The following CNTN5 variants were observed in gnomAD, a reference collection of about 807,000 sequenced individuals.
CNTN5 encodes the protein contactin-5.
A neutral mutation model predicts 129.1 loss-of-function variants in CNTN5; 77 were observed. The observed-to-expected ratio is 0.60, with a 90% CI of 0.50 to 0.72. The LOEUF is 0.72. Ranked by LOEUF, CNTN5 falls within the 30% of genes least tolerant of loss-of-function variation. The pLI, the probability that CNTN5 is intolerant of heterozygous loss-of-function variation, is 0.00. For missense variants in CNTN5, 1,478 were observed against 1,328.8 expected (o/e 1.11, Z -1.75); for synonymous variants, 509 against 465.6 (o/e 1.09, Z -1.20).
At chr11:99,520,645 A>C (rs1469615033) in intron 2 of CNTN5, among the ~76,000 whole-genome samples, 2 of 152,140 alleles carry the variant, frequency 1.3e-5, no homozygotes, top group Non-Finnish European at 2.9e-5. Context: ...CTCACTGATA[A>C]AGAATTGTCA....
chr11:99,365,818 A>G (rs1939411729), intron 2 of CNTN5, among the ~76,000 whole-genome samples: 1 of 152,174 alleles, frequency 6.6e-6, no homozygotes, highest in African/African-American at 2.4e-5. Context: ...CTCATCAAAC[A>G]TAGTATAATT....
At chr11:99,683,382 T>C (rs1413150855) in intron 3 of CNTN5, among the ~76,000 whole-genome samples, 3 of 151,932 alleles carry the variant, frequency 2.0e-5, no homozygotes, top group Non-Finnish European at 4.4e-5. Flanking sequence ...GTACTATTTC[T>C]TGAAAAGATT....
intron 1 of CNTN5, among the ~76,000 whole-genome samples, chr11:99,024,574 T>C (rs964524808): frequency 8.5e-5 from 13 of 152,080 alleles, no homozygotes; most frequent in Admixed American, 8.5e-4. Context: ...TTATGTCTAT[T>C]AATCCCCATA....
chr11:99,526,218 T>A (rs1450769631), intron 2 of CNTN5, among the ~76,000 whole-genome samples: 1 of 152,190 alleles, frequency 6.6e-6, no homozygotes, highest in Non-Finnish European at 1.5e-5. Context: ...AATGACGTGG[T>A]AGAAGAAGAA....
At chr11:99,999,926 A>G (rs554297108) in intron 8 of CNTN5, among the ~76,000 whole-genome samples, 3 of 151,362 alleles carry the variant, frequency 2.0e-5, no homozygotes, top group Admixed American at 6.6e-5. Flanking sequence ...CAAACACTGC[A>G]TGTTCTCACT....
At position 99,183,833 on chromosome 11, in the gene CNTN5, C is replaced by A. The variant is rs373432655; in HGVS notation, c.-209-141513C>A. Among the ~76,000 whole-genome samples, 32 of 152,134 alleles carry A rather than the reference C, an allele frequency of 2.1e-4. No homozygotes were observed. In the East Asian group the frequency reaches 3.5e-3, roughly 17 times the overall value. On this transcript the variant is annotated intron_variant, in intron 1 of 24. Coordinates refer to ENST00000524871, the MANE Select transcript of CNTN5 (RefSeq NM_014361.4). ...TTATTTGCTGGTTTCATTTAAAATT[C>A]CATGTCTAAAGTTTAACTCAATATC...
intron 15 of CNTN5, among the ~76,000 whole-genome samples, chr11:100,220,986 C>T (rs1949252190): frequency 6.6e-6 from 1 of 152,150 alleles, no homozygotes; most frequent in African/African-American, 2.4e-5. Context: ...CTTGGCTGCA[C>T]TAGTGCTAGC....
chr11:100,168,094 GA>G (rs55951940), intron 13 of CNTN5, among the ~76,000 whole-genome samples: 4 of 151,454 alleles, frequency 2.6e-5, no homozygotes, highest in South Asian at 2.1e-4. Context: ...GGAAGCTGTA[GA>G]AAAAAAAATT....
intron 3 of CNTN5, among the ~76,000 whole-genome samples, chr11:99,650,094 C>A (rs1283336373): frequency 2.0e-5 from 3 of 151,730 alleles, no homozygotes; most frequent in East Asian, 3.9e-4. Flanking sequence ...AGCTATATGC[C>A]AATCTAAAAA....
intron 1 of CNTN5, among the ~76,000 whole-genome samples, chr11:99,246,223 A>G (rs1861807423): frequency 6.6e-6 from 1 of 152,202 alleles, no homozygotes. Flanking sequence ...ATTGTTAGCC[A>G]AATCAGGTAA....
At chr11:99,192,135 A>C (rs577750339) in intron 1 of CNTN5, among the ~76,000 whole-genome samples, 2 of 151,778 alleles carry the variant, frequency 1.3e-5, no homozygotes, top group African/African-American at 4.8e-5. Context: ...ATGTTAATGG[A>C]TGGACTAGTT....
At chr11:99,220,414 A>G (rs1422013563) in intron 1 of CNTN5, among the ~76,000 whole-genome samples, 2 of 151,960 alleles carry the variant, frequency 1.3e-5, no homozygotes, top group African/African-American at 4.8e-5. Context: ...TTACTGCCAC[A>G]AGGAACTATG....
At chr11:99,924,362 T>G (rs1950012816) in intron 7 of CNTN5, among the ~76,000 whole-genome samples, 1 of 152,142 alleles carries the variant, frequency 6.6e-6, no homozygotes, top group Admixed American at 6.6e-5. Context: ...CTTCTAGGAT[T>G]TTTATAGTTT....
intron 7 of CNTN5, among the ~76,000 whole-genome samples, chr11:99,942,415 C>T (rs185479290): frequency 5.6e-4 from 85 of 152,048 alleles, no homozygotes; most frequent in African/African-American, 2.0e-3. Context: ...AATATTCTTT[C>T]TGGGAAAACT....
chr11:99,704,411 C>T (rs1486355131), intron 3 of CNTN5, among the ~76,000 whole-genome samples: 1 of 150,880 alleles, frequency 6.6e-6, no homozygotes, highest in Admixed American at 6.6e-5. Flanking sequence ...TTAAGTTGTG[C>T]ACTCTACAAC....
chr11:99,310,779 A>G (rs1427499858), intron 1 of CNTN5, among the ~76,000 whole-genome samples: 1 of 152,202 alleles, frequency 6.6e-6, no homozygotes, highest in Non-Finnish European at 1.5e-5. Flanking sequence ...ACTATATACT[A>G]TTATGAATTG....
At chr11:99,284,600 GGTGTGTGTGTGTGTGTGTGTGT>G (rs71046675) in intron 1 of CNTN5, among the ~76,000 whole-genome samples, 62 of 124,804 alleles carry the variant, frequency 5.0e-4, no homozygotes, top group South Asian at 1.2e-3. Context: ...AGAGATGAGT[GGTGTGTGTGTGTGTGTGTGTGT>G]GTGTGTGTGT....
chr11:99,640,441 T>A (rs1248540574), intron 3 of CNTN5, among the ~76,000 whole-genome samples: 1 of 152,178 alleles, frequency 6.6e-6, no homozygotes, highest in Non-Finnish European at 1.5e-5. Flanking sequence ...TCAGATCTCA[T>A]GTGACTTATT....
chr11:99,767,033 A>C (rs1490451445), intron 3 of CNTN5, among the ~76,000 whole-genome samples: 1 of 152,100 alleles, frequency 6.6e-6, no homozygotes, highest in South Asian at 2.1e-4. Context: ...CCTTCTCTTG[A>C]CTATTCTGCC....
Sources: allele counts gnomAD v4.1 joint callset (sites outside exome capture counted in the v4.1 genomes callset), GRCh38; gene constraint gnomAD v4.1.1; transcripts MANE v1.5; gene names NCBI Gene and HGNC (gene_info 2026-07-23, HGNC 2026-07-21).